TOP6BL: variants seen among roughly 807,000 people sequenced by gnomAD.
TOP6BL encodes the protein type 2 DNA topoisomerase 6 subunit B-like.
At chr11:66,841,793 C>T in the TOP6BL span, among the ~76,000 whole-genome samples, 3 of 152,076 alleles carry the variant, frequency 2.0e-5, no homozygotes. Flanking sequence ...CAGGCGAGAC[C>T]TCATCTTTAA....
chr11:66,797,418 C>T, the TOP6BL span, among the ~76,000 whole-genome samples: 1 of 152,128 alleles, frequency 6.6e-6, no homozygotes, highest in Non-Finnish European at 1.5e-5. Context: ...GATACCTCTT[C>T]CCTCCTCTGT....
the TOP6BL span, among the ~76,000 whole-genome samples, chr11:66,772,645 C>G: frequency 6.6e-6 from 1 of 152,160 alleles, no homozygotes; most frequent in Non-Finnish European, 1.5e-5. Flanking sequence ...TGGTGCGTGC[C>G]TTTCTTCCCA....
chr11:66,804,988 A>G, the TOP6BL span, among the ~76,000 whole-genome samples: 2 of 152,066 alleles, frequency 1.3e-5, no homozygotes, highest in Non-Finnish European at 2.9e-5. Flanking sequence ...AATCACTTGA[A>G]CCTGGGAGGC....
the TOP6BL span, among the ~76,000 whole-genome samples, chr11:66,756,656 A>G: frequency 1.3e-5 from 2 of 152,170 alleles, no homozygotes; most frequent in African/African-American, 4.8e-5. Context: ...TTTTAAAGCA[A>G]GCATTCCCCC....
the TOP6BL span, among the ~76,000 whole-genome samples, chr11:66,784,239 T>G: frequency 6.6e-6 from 1 of 152,278 alleles, no homozygotes; most frequent in East Asian, 1.9e-4. Flanking sequence ...TTCACTGTGT[T>G]AGCCAGGATG....
chr11:66,827,613 C>G, the TOP6BL span, among the ~76,000 whole-genome samples: 1 of 151,714 alleles, frequency 6.6e-6, no homozygotes, highest in Non-Finnish European at 1.5e-5. Flanking sequence ...TATAGAAGAG[C>G]AGTTTATATA....
At chr11:66,774,579 G>A in the TOP6BL span, among the ~76,000 whole-genome samples, 3 of 151,860 alleles carry the variant, frequency 2.0e-5, no homozygotes, top group African/African-American at 4.8e-5. Context: ...TCAGCCTCCC[G>A]AGTAACTGGG....
chr11:66,745,309 C>CGG, the TOP6BL span, among the ~76,000 whole-genome samples: 312 of 11,782 alleles, frequency 0.026, 11 homozygotes, highest in African/African-American at 0.08. Context: ...CGTTGCGGGG[C>CGG]GGGGTGGGGG....
chr11:66,818,251 T>G, the TOP6BL span, among the ~76,000 whole-genome samples: 2 of 152,186 alleles, frequency 1.3e-5, no homozygotes, highest in Non-Finnish European at 2.9e-5. Flanking sequence ...GTATTCTTCC[T>G]TCTACCTTCC....
chr11:66,834,062 G>A, the TOP6BL span, among the ~76,000 whole-genome samples: 3 of 152,136 alleles, frequency 2.0e-5, no homozygotes, highest in African/African-American at 7.2e-5. Flanking sequence ...TGAACTCAAG[G>A]TCTTACCAGT....
At chr11:66,799,898 G>A in the TOP6BL span, among the ~76,000 whole-genome samples, 1 of 151,750 alleles carries the variant, frequency 6.6e-6, no homozygotes, top group African/African-American at 2.4e-5. Context: ...TGGGCAATAT[G>A]GTGAAACCCT....
At chr11:66,792,243 G>A in the TOP6BL span, among the ~76,000 whole-genome samples, 2 of 151,984 alleles carry the variant, frequency 1.3e-5, no homozygotes, top group East Asian at 1.9e-4. Context: ...GATAGGTGTC[G>A]GTCCTTCTGC....
chr11:66,775,629 C>T, the TOP6BL span, among the ~76,000 whole-genome samples: 1 of 152,134 alleles, frequency 6.6e-6, no homozygotes, highest in Non-Finnish European at 1.5e-5. Context: ...CTCCTTTAGC[C>T]CAGGTCTTGC....
the TOP6BL span, among the ~76,000 whole-genome samples, chr11:66,836,367 G>A: frequency 5.9e-5 from 9 of 151,750 alleles, no homozygotes; most frequent in Non-Finnish European, 1.0e-4. Context: ...CCACTACCAC[G>A]CCCGGCTAAT....
At chr11:66,795,004 C>T in the TOP6BL span, among the ~76,000 whole-genome samples, 7 of 151,834 alleles carry the variant, frequency 4.6e-5, no homozygotes, top group Non-Finnish European at 7.4e-5. Context: ...CATGATGGCA[C>T]GCACCTGTAG....
the TOP6BL span, chr11:66,756,427 G>C: frequency 4.5e-6 from 5 of 1,107,968 alleles, no homozygotes; most frequent in South Asian, 6.6e-5. Context: ...CCACCTCCCA[G>C]GTTCAAGTGA....
chr11:66,799,257 G>A, the TOP6BL span, among the ~76,000 whole-genome samples: 4 of 146,958 alleles, frequency 2.7e-5, no homozygotes, highest in Non-Finnish European at 6.0e-5. Context: ...ATGGTGGCGC[G>A]TGCCTGTAGT....
the TOP6BL span, chr11:66,843,421 C>G: frequency 4.3e-6 from 6 of 1,402,278 alleles, no homozygotes; most frequent in Non-Finnish European, 5.5e-6. Context: ...CTCCCTGGGA[C>G]TGCGTCACTG....
chr11:66,762,198 C>A, the TOP6BL span: 1 of 693,214 alleles, frequency 1.4e-6, no homozygotes, highest in South Asian at 1.6e-5. Flanking sequence ...CACGCCACAC[C>A]CACAGCCGGA....
Sources: allele counts gnomAD v4.1 joint callset (sites outside exome capture counted in the v4.1 genomes callset), GRCh38; gene constraint gnomAD v4.1.1; transcripts MANE v1.5; gene names NCBI Gene and HGNC (gene_info 2026-07-23, HGNC 2026-07-21).